Variants in PTPRD observed in about 807,000 individuals in gnomAD.
The protein encoded by PTPRD is receptor-type tyrosine-protein phosphatase delta.
Under a neutral mutation model 214.5 loss-of-function variants are expected in PTPRD, and 34 were observed. That is an observed-to-expected ratio of 0.16 (90% CI 0.12 to 0.21). The LOEUF (loss-of-function observed/expected upper bound fraction) is 0.21. PTPRD is among the 10% of genes least tolerant of loss of function. PTPRD has a pLI of 1.00. For missense variants in PTPRD, 2,545 were observed against 2,398.7 expected (o/e 1.06, Z -1.27); for synonymous variants, 1,128 against 845.7 (o/e 1.33, Z -5.79).
At chr9:10,117,687 G>C (rs921891571) in intron 3 of PTPRD, among the ~76,000 whole-genome samples, 2 of 147,334 alleles carry the variant, frequency 1.4e-5, no homozygotes, top group East Asian at 2.0e-4. Flanking sequence ...ATTTCACCTT[G>C]AGAAAAGACC....
At chr9:10,125,484 T>C (rs1284167100) in intron 3 of PTPRD, among the ~76,000 whole-genome samples, 4 of 148,474 alleles carry the variant, frequency 2.7e-5, no homozygotes, top group African/African-American at 9.9e-5. Context: ...AGACAGCGTC[T>C]TGCTCTGTTC....
chr9:9,937,088 A>C (rs1286401104), intron 5 of PTPRD, among the ~76,000 whole-genome samples: 1 of 151,872 alleles, frequency 6.6e-6, no homozygotes, highest in Non-Finnish European at 1.5e-5. Context: ...GGTTGGGGGA[A>C]GGGGGAGGGA....
At chr9:9,473,198 T>C (rs901470507) in intron 8 of PTPRD, among the ~76,000 whole-genome samples, 16 of 152,164 alleles carry the variant, frequency 1.1e-4, no homozygotes, top group Admixed American at 7.9e-4. Context: ...TTCTCACATA[T>C]AACTGAGAAC....
Position 10,495,457 on chromosome 9 carries a change from C to T in PTPRD, c.-600+116941G>A, listed in dbSNP as rs553970223. Among the ~76,000 whole-genome samples the T allele has an allele frequency of 5.3e-5, 8 of 151,952 alleles. 1 individual carries two copies. The South Asian group carries it at 1.7e-3, about 31-fold the overall frequency. Reference sequence around the variant, plus strand: ...GTATTTCTCACCTAAAATGAATCCTCATTCACCTTTTATTATTCTCCTATA... The same window carrying T: ...GTATTTCTCACCTAAAATGAATCCTTATTCACCTTTTATTATTCTCCTATA... On this transcript the variant is annotated intron_variant, in intron 2 of 45. Transcript: ENST00000381196.
chr9:9,893,200 A>G (rs1566063305), intron 5 of PTPRD, among the ~76,000 whole-genome samples: 1 of 152,208 alleles, frequency 6.6e-6, no homozygotes, highest in Non-Finnish European at 1.5e-5. Context: ...TAGTGACACT[A>G]CAAAGCAACC....
At chr9:9,419,800 A>G (rs1457099910) in intron 8 of PTPRD, among the ~76,000 whole-genome samples, 1 of 151,790 alleles carries the variant, frequency 6.6e-6, no homozygotes. Flanking sequence ...AACAAAATGT[A>G]ATTATTAGAC....
chr9:9,081,183 T>C (rs2099758488), intron 10 of PTPRD, among the ~76,000 whole-genome samples: 1 of 152,178 alleles, frequency 6.6e-6, no homozygotes, highest in East Asian at 1.9e-4. Context: ...CCAGAGATTC[T>C]GGTACATTGT....
At position 10,155,625 on chromosome 9, in the gene PTPRD, T is replaced by A. The variant is rs372520357; in HGVS notation, c.-544-121835A>T. ...ATTATTTTGAGGTATGTTTCTTCAA[T>A]ACTACATGTTTGAGAGTTTTTAACA... On this transcript the variant is annotated intron_variant, in intron 3 of 45. Coordinates refer to ENST00000381196, the MANE Select transcript of PTPRD (RefSeq NM_002839.4). Among the ~76,000 whole-genome samples the A allele has an allele frequency of 2.6e-5, 4 of 152,176 alleles. No homozygotes were observed. The South Asian group carries it at 8.3e-4, about 31-fold the overall frequency.
At chr9:8,920,933 C>T (rs1415089935) in intron 11 of PTPRD, among the ~76,000 whole-genome samples, 3 of 152,198 alleles carry the variant, frequency 2.0e-5, no homozygotes, top group Non-Finnish European at 4.4e-5. Flanking sequence ...CCTGCCTCAG[C>T]CTCCTGCGTA....
intron 11 of PTPRD, among the ~76,000 whole-genome samples, chr9:8,843,544 C>A (rs2097613012): frequency 6.6e-6 from 1 of 152,172 alleles, no homozygotes; most frequent in African/African-American, 2.4e-5. Flanking sequence ...CCACTAGCTA[C>A]ATGTGGTTAT....
At position 9,837,471 on chromosome 9, in the gene PTPRD, T is replaced by C. The variant is rs1416821277; in HGVS notation, c.-367-70620A>G. On this transcript the variant is annotated intron_variant, in intron 5 of 45. Transcript: ENST00000381196. ...GCCTTCCCCATTGTATTAATCTTGA[T>C]GGGAAGTAGGTCCAGTGTCGCATAT... is the stretch of plus-strand genomic sequence containing the variant. Among the ~76,000 whole-genome samples the C allele has an allele frequency of 2.6e-5, 4 of 152,150 alleles. No homozygotes were observed. In the South Asian group the frequency reaches 8.3e-4, roughly 31 times the overall value.
intron 9 of PTPRD, among the ~76,000 whole-genome samples, chr9:9,301,314 C>T (rs1197610261): frequency 6.6e-6 from 1 of 151,848 alleles, no homozygotes. Flanking sequence ...ACTGTGCCAA[C>T]TGAAATGTGT....
chr9:9,021,643 C>T (rs1256110933), intron 10 of PTPRD, among the ~76,000 whole-genome samples: 2 of 151,708 alleles, frequency 1.3e-5, no homozygotes, highest in Non-Finnish European at 2.9e-5. Context: ...TGTTATTGCC[C>T]CTGAAGATCT....
At chr9:9,743,888 G>A in intron 6 of PTPRD, among the ~76,000 whole-genome samples, 1 of 151,968 alleles carries the variant, frequency 6.6e-6, no homozygotes, top group Non-Finnish European at 1.5e-5. Flanking sequence ...CAGGCTAATT[G>A]ATCCGATAAA....
At chr9:8,779,814 GT>G (rs369478924) in intron 11 of PTPRD, among the ~76,000 whole-genome samples, 10,261 of 128,360 alleles carry the variant, frequency 0.08, 352 homozygotes, top group African/African-American at 0.15. Flanking sequence ...TGTTTTGTTG[GT>G]TTTTTTTTTT....
At chr9:8,657,449 G>C (rs372175411) in intron 12 of PTPRD, among the ~76,000 whole-genome samples, 1 of 152,046 alleles carries the variant, frequency 6.6e-6, no homozygotes, top group Non-Finnish European at 1.5e-5. Context: ...GATTACAGGC[G>C]TGAGCCACCG....
chr9:10,362,288 T>C (rs551130930), intron 2 of PTPRD, among the ~76,000 whole-genome samples: 2 of 152,166 alleles, frequency 1.3e-5, no homozygotes, highest in Non-Finnish European at 2.9e-5. Context: ...CTGTGAACTT[T>C]GTGTATTTCG....
intron 4 of PTPRD, among the ~76,000 whole-genome samples, chr9:10,000,259 G>C (rs139622721): frequency 8.5e-4 from 129 of 152,254 alleles, no homozygotes; most frequent in African/African-American, 3.1e-3. Context: ...TAACTAACAA[G>C]AGTCAAATTA....
intron 3 of PTPRD, among the ~76,000 whole-genome samples, chr9:10,059,527 C>G (rs1157724553): frequency 6.6e-6 from 1 of 152,006 alleles, no homozygotes; most frequent in African/African-American, 2.4e-5. Flanking sequence ...ATTAAAGGCT[C>G]AAGAGAAAGA....
Sources: gnomAD v4.1 joint callset for allele counts (sites outside exome capture counted in the v4.1 genomes callset) on GRCh38, gnomAD v4.1.1 for gene constraint, MANE v1.5 for transcripts, NCBI Gene and HGNC (gene_info 2026-07-23, HGNC 2026-07-21) for gene names.